The following DNAH10 variants were observed in gnomAD, a reference collection of about 807,000 sequenced individuals.
DNAH10 encodes dynein axonemal heavy chain 10.
Under a neutral mutation model 506.6 loss-of-function variants are expected in DNAH10, and 348 were observed. That is an observed-to-expected ratio of 0.69 (90% confidence interval 0.63 to 0.75). The LOEUF is 0.75. Ranked by LOEUF, DNAH10 falls within the 30% of genes least tolerant of loss-of-function variation. DNAH10 has a pLI of 0.00. For synonymous variants in DNAH10, 2,059 were observed against 2,198.6 expected (o/e 0.94, Z 1.78); for missense variants, 5,179 against 5,787.1 (o/e 0.89, Z 3.41).
At chr12:123,851,272 T>C (rs7958541) in intron 35 of DNAH10, among the ~76,000 whole-genome samples, 196 bp downstream of exon 35, 35 of 134,886 alleles carry the variant, frequency 2.6e-4, no homozygotes, top group African/African-American at 1.1e-3. Flanking sequence ...GGACCTAGGA[T>C]GTGTTAGTTC....
At chr12:123,888,604 G>T (rs2137136530) in intron 52 of DNAH10, among the ~76,000 whole-genome samples, 1 of 152,322 alleles carries the variant, frequency 6.6e-6, no homozygotes, top group Non-Finnish European at 1.5e-5. Flanking sequence ...GGAGCTGTTG[G>T]CAGGTTACCC....
intron 45 of DNAH10, among the ~76,000 whole-genome samples, chr12:123,872,554 G>T (rs1352311655): frequency 6.6e-6 from 1 of 152,162 alleles, no homozygotes; most frequent in Non-Finnish European, 1.5e-5. Flanking sequence ...TGCACTTTGG[G>T]TGCCCTACGT....
At chr12:123,864,280 G>C (rs1056536293) in intron 39 of DNAH10, among the ~76,000 whole-genome samples, 1 of 151,258 alleles carries the variant, frequency 6.6e-6, no homozygotes, top group Admixed American at 6.6e-5. Flanking sequence ...TGAGTAGCTG[G>C]GATTACAGGC....
Position 123,879,330 on chromosome 12 carries a change from G to C in DNAH10, c.8439G>C (p.Arg2813=). Residue 2813 remains arginine (R), a synonymous_variant, in exon 49 of 79, where the codon CGG becomes CGC. Coordinates refer to ENST00000673944, the MANE Select transcript of DNAH10 (RefSeq NM_001372106.1). Reference sequence around the variant, plus strand: ...AGTGTCTGAGAGTCTTCCACGACCGGCTGATCAGTGAAACAGACAAGCAGC... The same window carrying C: ...AGTGTCTGAGAGTCTTCCACGACCGCCTGATCAGTGAAACAGACAAGCAGC... ...RNECLRVFHD[R]LISETDKQLV... The C allele has an allele frequency of 1.9e-6, 3 of 1,572,900 alleles. No individual in the cohort carries two copies. In the African/African-American group the frequency reaches 4.0e-5, roughly 21 times the overall value.
intron 49 of DNAH10, 79 bp from the exon 50 acceptor site, chr12:123,879,555 A>G: frequency 6.4e-7 from 1 of 1,574,064 alleles, no homozygotes; most frequent in Non-Finnish European, 8.6e-7. Context: ...AGATAATAGT[A>G]CGTATCCTCT....
At position 123,781,190 on chromosome 12, in the gene DNAH10, G is replaced by A. The variant is rs1331750007; in HGVS notation, c.732G>A (p.Met244Ile). 4.3e-6 allele frequency: 7 copies of A among 1,614,142 alleles called. No individual in the cohort carries two copies. Among genetic ancestry groups the A allele is most frequent in the Non-Finnish European group, 5.1e-6 (6 of 1,180,012 alleles). ...SSEHESDLPP[M>I]PGEAVEYHSI... is the part of the protein sequence containing the mutation. Reference sequence around the variant, plus strand: ...AGCATGAATCAGACCTGCCGCCCATGCCTGGGGAGGCAGTAGAATATCACA... The same window carrying A: ...AGCATGAATCAGACCTGCCGCCCATACCTGGGGAGGCAGTAGAATATCACA... The change falls in exon 6 of 79, where the codon ATG becomes ATA. Residue 244 changes from methionine (M) to isoleucine (I), a missense_variant. Physicochemically the swap from Met to Ile is conservative, Grantham distance 10 (BLOSUM62 1). This residue lies in a region of DNAH10 where 326 missense variants were observed against 330.8 expected (regional missense o/e 0.99). Coordinates refer to ENST00000673944, the MANE Select transcript of DNAH10 (RefSeq NM_001372106.1).
chr12:123,812,604 T>C (rs1958984898), intron 19 of DNAH10, among the ~76,000 whole-genome samples: 1 of 152,228 alleles, frequency 6.6e-6, no homozygotes, highest in Admixed American at 6.5e-5. Flanking sequence ...TAAAAGTTTT[T>C]TTAATTCATC....
Position 123,871,556 on chromosome 12 carries a change from C to T in DNAH10, c.7739C>T (p.Thr2580Ile), listed in dbSNP as rs1367674501. ...GTTGGTGAATCTGGCACTTCTAAGA[C>T]AGCCACTACCCAGAATTTCCTCAAA... ...IFVGESGTSK[T>I]ATTQNFLKNL... The change falls in exon 45 of 79, where the codon ACA becomes ATA. Residue 2580 changes from threonine (T) to isoleucine (I), a missense_variant. Thr to Ile is a moderately conservative substitution (Grantham distance 89). This residue lies in a region of DNAH10 where 4,844 missense variants were observed against 5,430.5 expected (regional missense o/e 0.89). Transcript: ENST00000673944. 6.4e-7 allele frequency: 1 copy of T among 1,551,888 alleles called. No homozygotes were observed. Among genetic ancestry groups the T allele is most frequent in the East Asian group, 2.4e-5 (1 of 40,986 alleles).
In DNAH10 at chr12:123,808,858, A is replaced by G. The variant is rs1330164959; in HGVS notation, c.3049A>G (p.Ile1017Val). The part of the protein sequence containing the change: ...GNVPLFHTET[I>V]LTAPEIILHP... ...TGTCCCTCTGTTCCACACTGAAACCATTCTGACGGCACCTGAGATCATCCT... is the reference window on the plus strand; with the variant it reads ...TGTCCCTCTGTTCCACACTGAAACCGTTCTGACGGCACCTGAGATCATCCT... Residue 1017 changes from isoleucine (I) to valine (V), a missense_variant, in exon 19 of 79, where the codon ATT becomes GTT. Physicochemically the swap from Ile to Val is conservative, Grantham distance 29. Coordinates refer to ENST00000673944, the MANE Select transcript of DNAH10 (RefSeq NM_001372106.1). 1.2e-6 allele frequency: 2 copies of G among 1,614,028 alleles called. No homozygotes were observed. Among genetic ancestry groups the G allele is most frequent in the Non-Finnish European group, 8.5e-7 (1 of 1,180,020 alleles).
Position 123,762,378 on chromosome 12 carries a change from TGCGGC to T in DNAH10, c.43_47del (p.Ala15PhefsTer56). ...TGCTGTGGATGCGCGACCGCGTGTA[TGCGGC>T]TTTCGGCATCACCGACCCCCAGCTT... On this transcript the variant is annotated frameshift_variant, in exon 1 of 79. Transcript: ENST00000673944. LOFTEE classifies it high-confidence loss of function. The surrounding 1 kb of genome is among the most constrained non-coding windows in gnomAD (Gnocchi z 5.0). 7.2e-7 allele frequency: 1 copy of T among 1,379,360 alleles called. No individual in the cohort carries two copies. Among genetic ancestry groups the T allele is most frequent in the Non-Finnish European group, 9.4e-7 (1 of 1,062,542 alleles). 85.4% of individuals were successfully genotyped at this position (1,379,360 alleles called of 1,614,324 possible). A position where few individuals can be genotyped will look rare whatever the true frequency, so the allele number is the denominator to read the frequency against.
intron 47 of DNAH10, 54 bp from the exon 48 acceptor site, chr12:123,877,682 C>A: frequency 6.4e-7 from 1 of 1,552,588 alleles, no homozygotes; most frequent in South Asian, 1.2e-5. Flanking sequence ...TGTTTATTCA[C>A]TCATCTACTG....
rs1159281829 is a variant in DNAH10, at chr12:123,819,453, T to C, written c.4000+203T>C. On this transcript the variant is annotated intron_variant, in intron 23 of 78. Transcript: ENST00000673944. ...TTAATGCGACTCATTGATTGTTGAG[T>C]GCCTGCTACCCGAAGGTGTTGAGAG... Among the ~76,000 whole-genome samples the C allele has an allele frequency of 4.0e-5, 6 of 148,722 alleles. No individual in the cohort carries two copies. In the East Asian group the frequency reaches 1.2e-3, roughly 29 times the overall value.
rs751981448 is a variant in DNAH10 at position 123,897,814 on chromosome 12, A to G, written c.9325A>G (p.Lys3109Glu). The G allele has an allele frequency of 1.1e-5, 17 of 1,609,900 alleles. No individual in the cohort carries two copies. The highest frequency in any genetic ancestry group is 1.4e-5 in the Non-Finnish European group (17 of 1,178,906). Residue 3109 changes from lysine to glutamate, a missense_variant, in exon 55 of 79, where the codon AAG becomes GAG. Physicochemically the swap from Lys to Glu is moderately conservative, Grantham distance 56. Around this residue, in one of 3 missense-constraint regions of DNAH10, gnomAD observed 4,844 missense variants for 5,430.5 expected, o/e 0.89. Transcript: ENST00000673944. ...IPAENIENVV[K>E]HVVLVHQSVD... Reference sequence around the variant, plus strand: ...GGCAGAAAATATAGAAAATGTGGTGAAGCATGTTGTCTTGGTTCACCAATC... The same window carrying G: ...GGCAGAAAATATAGAAAATGTGGTGGAGCATGTTGTCTTGGTTCACCAATC...
Position 123,913,423 on chromosome 12 carries a change from C to A in DNAH10, c.10352+108C>A. The stretch of plus-strand genomic sequence containing the variant: ...CTCACGTTGTGTTTTTATGTGAAAA[C>A]CATGTGACCAGGTCTTATGTTCCTA... On this transcript the variant is annotated intron_variant, in intron 60 of 78. Coordinates refer to ENST00000673944, the MANE Select transcript of DNAH10 (RefSeq NM_001372106.1). This position sits in a 1 kb window ranked among gnomAD's most constrained non-coding sequence, Gnocchi z 5.1. 8.4e-7 allele frequency: 1 copy of A among 1,190,914 alleles called. No individual in the cohort carries two copies. Among genetic ancestry groups the A allele is most frequent in the Non-Finnish European group, 1.1e-6 (1 of 869,598 alleles). 73.8% of individuals were successfully genotyped at this position (1,190,914 alleles called of 1,614,324 possible).
Position 123,928,538 on chromosome 12 carries a change from C to A in DNAH10, c.12257C>A (p.Thr4086Lys). ...PHPDFRLWLTTDPTKGFPIGI... is the reference protein window; with the variant it reads ...PHPDFRLWLTKDPTKGFPIGI... The stretch of plus-strand genomic sequence containing the variant: ...CCAGACTTCCGCCTGTGGCTCACCA[C>A]GGACCCCACCAAGGGCTTCCCCATT... The change falls in exon 70 of 79, where the codon ACG becomes AAG. Residue 4086 changes from threonine (T) to lysine (K), a missense_variant. Around this residue, in one of 3 missense-constraint regions of DNAH10, gnomAD observed 4,844 missense variants for 5,430.5 expected, o/e 0.89. Transcript: ENST00000673944. This position sits in a 1 kb window ranked among gnomAD's most constrained non-coding sequence, Gnocchi z 4.9. The A allele has an allele frequency of 6.2e-7, 1 of 1,610,606 alleles. No homozygotes were observed. The highest frequency in any genetic ancestry group is 1.3e-5 in the African/African-American group (1 of 74,972).
At chr12:123,820,052 A>G (rs1490473536) in intron 23 of DNAH10, among the ~76,000 whole-genome samples, 1 of 152,192 alleles carries the variant, frequency 6.6e-6, no homozygotes, top group African/African-American at 2.4e-5. Context: ...ATGAGACAAA[A>G]AAAATACCAT....
chr12:123,896,766 C>A (rs1045049425), intron 54 of DNAH10, among the ~76,000 whole-genome samples: 54 of 151,070 alleles, frequency 3.6e-4, no homozygotes, highest in African/African-American at 1.2e-3. Flanking sequence ...ACTGCTGTGG[C>A]CCTGAAAAGC....
At position 123,859,457 on chromosome 12, in the gene DNAH10, C is replaced by CA. The variant is rs1951531798; in HGVS notation, c.6749+193dup. On this transcript the variant is annotated intron_variant, in intron 38 of 78. Coordinates refer to ENST00000673944, the MANE Select transcript of DNAH10 (RefSeq NM_001372106.1). ...GACTTAGTTAAGATATTTTAGAATGCAAAATAGCAACCCGCTTGTGCATCA... is the reference window on the plus strand; with the variant it reads ...GACTTAGTTAAGATATTTTAGAATGCAAAAATAGCAACCCGCTTGTGCATCA... 2.6e-5 allele frequency among the ~76,000 whole-genome samples: 4 copies of CA among 152,244 alleles called. 1 individual carries two copies. The highest frequency in any genetic ancestry group is 3.4e-3 in the Middle Eastern group (1 of 294).
chr12:123,784,959 G>A (rs551982552), intron 8 of DNAH10, among the ~76,000 whole-genome samples: 108 of 152,346 alleles, frequency 7.1e-4, no homozygotes, highest in Non-Finnish European at 1.4e-3. Flanking sequence ...AGCATGGATA[G>A]ACTACATTTG....
Sources: allele counts gnomAD v4.1 joint callset (sites outside exome capture counted in the v4.1 genomes callset), GRCh38; gene constraint gnomAD v4.1.1; regional missense constraint gnomAD v4.1.1; non-coding constraint Gnocchi (gnomAD v3.1); transcripts MANE v1.5; gene names NCBI Gene and HGNC (gene_info 2026-07-23, HGNC 2026-07-21).